ATRNL1: variants seen among roughly 807,000 people sequenced by gnomAD.
ATRNL1 encodes the protein attractin like 1, also known as attractin-like protein 1.
ATRNL1 carries 95 observed loss-of-function variants against 182.7 expected under a neutral mutation model. The ratio of observed to expected loss-of-function variants is 0.52; its 90% CI spans 0.44 to 0.62. ATRNL1 has a LOEUF of 0.62. Ranked by LOEUF, ATRNL1 falls within the 20% of genes least tolerant of loss-of-function variation. ATRNL1 has a pLI of 0.00. For missense variants in ATRNL1, 1,471 were observed against 1,679.5 expected (o/e 0.88, Z 2.17); for synonymous variants, 576 against 568.3 (o/e 1.01, Z -0.19).
intron 13 of ATRNL1, among the ~76,000 whole-genome samples, chr10:115,273,942 C>G (rs1851986511): frequency 6.6e-6 from 1 of 152,172 alleles, no homozygotes; most frequent in Non-Finnish European, 1.5e-5. Context: ...GGTCAGATAA[C>G]ACCCAGTTCA....
At chr10:115,725,559 T>G (rs10787596) in intron 26 of ATRNL1, among the ~76,000 whole-genome samples, 56,236 of 151,856 alleles carry the variant, frequency 0.37, 11,253 homozygotes, top group East Asian at 0.6. Context: ...TGGAGATAAT[T>G]GATAATACAA....
At chr10:115,467,112 C>G (rs1211810636) in intron 22 of ATRNL1, 62 bp from the exon 23 acceptor site, 1 of 904,700 alleles carries the variant, frequency 1.1e-6, no homozygotes, top group Non-Finnish European at 1.8e-6. Context: ...AATCAGTAGA[C>G]TAAATCATAT....
rs146059998 is a variant in ATRNL1 at position 115,111,020 on chromosome 10, T to C, written c.294-9165T>C. 2.6e-4 allele frequency among the ~76,000 whole-genome samples: 39 copies of C among 152,342 alleles called. No individual in the cohort carries two copies. In the East Asian group the frequency reaches 7.3e-3, roughly 29 times the overall value. On this transcript the variant is annotated intron_variant, in intron 1 of 28. Coordinates refer to ENST00000355044, the MANE Select transcript of ATRNL1 (RefSeq NM_207303.4). ...ATTTGACCCTATTTGATGCACAGTA[T>C]ACTTCCAGTCTACCATTTGAGCCAA...
intron 19 of ATRNL1, among the ~76,000 whole-genome samples, chr10:115,389,652 A>C (rs2134263464): frequency 6.9e-6 from 1 of 145,110 alleles, no homozygotes; most frequent in African/African-American, 2.5e-5. Flanking sequence ...ATAATGCTGC[A>C]GTGAACACAG....
intron 26 of ATRNL1, among the ~76,000 whole-genome samples, chr10:115,632,174 A>T (rs147179021): frequency 2.8e-4 from 43 of 152,274 alleles, no homozygotes; most frequent in African/African-American, 8.2e-4. Flanking sequence ...GCAGTAAGTT[A>T]TTTAGTCTAG....
intron 28 of ATRNL1, among the ~76,000 whole-genome samples, chr10:115,880,684 T>A (rs1480116014): frequency 6.6e-6 from 1 of 152,136 alleles, no homozygotes; most frequent in East Asian, 1.9e-4. Context: ...CTGGAAGAAT[T>A]TGATGGATGT....
At chr10:115,623,820 G>T (rs1354606273) in intron 26 of ATRNL1, among the ~76,000 whole-genome samples, 2 of 151,956 alleles carry the variant, frequency 1.3e-5, no homozygotes, top group Non-Finnish European at 2.9e-5. Flanking sequence ...CTTGATTCTT[G>T]TAAAATAAAA....
intron 9 of ATRNL1, among the ~76,000 whole-genome samples, chr10:115,222,690 ATAAT>A (rs1415593816): frequency 2.6e-5 from 4 of 152,196 alleles, no homozygotes; most frequent in Non-Finnish European, 4.4e-5. Context: ...AAAATTCTAC[ATAAT>A]TAAATATTCT....
At chr10:115,112,924 G>A (rs781930642) in intron 1 of ATRNL1, among the ~76,000 whole-genome samples, 4 of 152,070 alleles carry the variant, frequency 2.6e-5, no homozygotes, top group East Asian at 1.9e-4. Context: ...AAAACCACTC[G>A]GACCAGATTA....
intron 27 of ATRNL1, among the ~76,000 whole-genome samples, chr10:115,841,203 T>C (rs1276851179): frequency 6.6e-6 from 1 of 152,082 alleles, no homozygotes; most frequent in African/African-American, 2.4e-5. Context: ...GAAGAGGTAG[T>C]GTTGTCTCAT....
chr10:115,172,919 C>T (rs1847350788), intron 8 of ATRNL1, among the ~76,000 whole-genome samples: 2 of 150,700 alleles, frequency 1.3e-5, no homozygotes, highest in South Asian at 4.3e-4. Flanking sequence ...CCCTTAATGA[C>T]ATCTGGAACT....
At chr10:115,378,421 G>C (rs1857797533) in intron 19 of ATRNL1, among the ~76,000 whole-genome samples, 1 of 152,156 alleles carries the variant, frequency 6.6e-6, no homozygotes, top group Admixed American at 6.5e-5. Flanking sequence ...GCCTGTCCTG[G>C]GGACTCAGAT....
At chr10:115,596,229 C>T (rs1189170856) in intron 26 of ATRNL1, among the ~76,000 whole-genome samples, 1 of 152,050 alleles carries the variant, frequency 6.6e-6, no homozygotes, top group Non-Finnish European at 1.5e-5. Context: ...CCTCAGCCTC[C>T]TGAGTAGCTG....
chr10:115,914,202 T>A (rs1952774946), intron 28 of ATRNL1, among the ~76,000 whole-genome samples: 1 of 152,178 alleles, frequency 6.6e-6, no homozygotes, highest in Admixed American at 6.5e-5. Flanking sequence ...TCTTGAAGCC[T>A]CCCCAGCCAT....
chr10:115,763,410 CAGG>C (rs782440088), intron 27 of ATRNL1, among the ~76,000 whole-genome samples: 3 of 152,198 alleles, frequency 2.0e-5, no homozygotes, highest in South Asian at 4.1e-4. Context: ...TAATTATGCT[CAGG>C]AGAAGTGGGG....
chr10:115,419,965 C>G (rs1220316890), intron 20 of ATRNL1, among the ~76,000 whole-genome samples: 1 of 151,788 alleles, frequency 6.6e-6, no homozygotes, highest in Non-Finnish European at 1.5e-5. Flanking sequence ...CTGCAGAAGG[C>G]ACAGTCTTCT....
intron 26 of ATRNL1, among the ~76,000 whole-genome samples, chr10:115,723,471 T>A (rs577908138): frequency 6.6e-6 from 1 of 152,312 alleles, no homozygotes; most frequent in South Asian, 2.1e-4. Flanking sequence ...TCTGTATTCA[T>A]ATTTGATAGA....
chr10:115,113,492 G>A (rs2143552181), intron 1 of ATRNL1, among the ~76,000 whole-genome samples: 1 of 152,260 alleles, frequency 6.6e-6, no homozygotes, highest in East Asian at 1.9e-4. Context: ...GTTGTGGGAG[G>A]GATCTGGTGG....
chr10:115,851,624 G>A (rs1293446052), intron 28 of ATRNL1, among the ~76,000 whole-genome samples: 1 of 151,976 alleles, frequency 6.6e-6, no homozygotes, highest in African/African-American at 2.4e-5. Context: ...CTCCCTTTAG[G>A]GGGCTTAGAA....
Sources: allele counts gnomAD v4.1 joint callset (sites outside exome capture counted in the v4.1 genomes callset), GRCh38; gene constraint gnomAD v4.1.1; transcripts MANE v1.5; gene names NCBI Gene and HGNC (gene_info 2026-07-23, HGNC 2026-07-21).